The following EXOC4 variants were observed in gnomAD, a reference collection of about 807,000 sequenced individuals.
The protein encoded by EXOC4 is SEC8-like 1.
A neutral mutation model predicts 107.2 loss-of-function variants in EXOC4; 71 were observed. The ratio of observed to expected loss-of-function variants is 0.66; its 90% CI spans 0.55 to 0.81. The LOEUF (loss-of-function observed/expected upper bound fraction) is 0.81. EXOC4 is among the 30% of genes least tolerant of loss of function. The pLI is 0.00. For missense variants in EXOC4, 1,108 were observed against 1,189.6 expected (o/e 0.93, Z 1.01); for synonymous variants, 456 against 441.2 (o/e 1.03, Z -0.42).
At chr7:134,035,833 T>C (rs1306753808) in intron 17 of EXOC4, among the ~76,000 whole-genome samples, 2 of 152,178 alleles carry the variant, frequency 1.3e-5, no homozygotes, top group African/African-American at 2.4e-5. Context: ...CAGAGACACA[T>C]TGGAAGAAGA....
intron 4 of EXOC4, among the ~76,000 whole-genome samples, chr7:133,306,271 T>G (rs1794752406): frequency 6.6e-6 from 1 of 152,234 alleles, no homozygotes. Context: ...ACATTTATTA[T>G]GGTCCTTTTC....
intron 9 of EXOC4, among the ~76,000 whole-genome samples, chr7:133,525,431 T>A (rs1031757805): frequency 6.6e-6 from 1 of 152,226 alleles, no homozygotes; most frequent in Non-Finnish European, 1.5e-5. Context: ...CAATTGCATA[T>A]GTTTCTTGGC....
intron 5 of EXOC4, among the ~76,000 whole-genome samples, chr7:133,345,690 C>G (rs896569200): frequency 1.2e-4 from 18 of 152,098 alleles, no homozygotes; most frequent in African/African-American, 3.9e-4. Context: ...GCAGACCTAC[C>G]ATCATTTCCC....
At chr7:133,705,797 A>G (rs1168823076) in intron 10 of EXOC4, among the ~76,000 whole-genome samples, 1 of 152,236 alleles carries the variant, frequency 6.6e-6, no homozygotes, top group Non-Finnish European at 1.5e-5. Context: ...CCTGGATGAG[A>G]CAGAGTGGGA....
intron 9 of EXOC4, among the ~76,000 whole-genome samples, chr7:133,518,005 A>G (rs1392481392): frequency 1.3e-5 from 2 of 151,810 alleles, no homozygotes; most frequent in Non-Finnish European, 2.9e-5. Context: ...TTAGGGTTGG[A>G]TGATCTAGGA....
chr7:134,071,690 T>C, the EXOC4 span, among the ~76,000 whole-genome samples: 2 of 152,186 alleles, frequency 1.3e-5, no homozygotes, highest in African/African-American at 4.8e-5. Context: ...TGCTTTAAAG[T>C]TAAGCTATAC....
intron 2 of EXOC4, among the ~76,000 whole-genome samples, chr7:133,278,114 A>G (rs1465010068): frequency 2.6e-5 from 4 of 152,182 alleles, no homozygotes; most frequent in Non-Finnish European, 4.4e-5. Flanking sequence ...TTTAGGTGCT[A>G]GGGCTGCACA....
chr7:133,994,573 T>C (rs895181090), intron 14 of EXOC4, among the ~76,000 whole-genome samples: 7 of 152,174 alleles, frequency 4.6e-5, no homozygotes, highest in African/African-American at 1.7e-4. Context: ...GGAACAGACA[T>C]ACTAGGAATG....
At chr7:133,302,103 G>A (rs1794653967) in intron 3 of EXOC4, among the ~76,000 whole-genome samples, 1 of 152,038 alleles carries the variant, frequency 6.6e-6, no homozygotes, top group Admixed American at 6.6e-5. Context: ...TTGAATTCTT[G>A]ATTATATACA....
intron 9 of EXOC4, among the ~76,000 whole-genome samples, chr7:133,536,860 C>A (rs1800279882): frequency 6.6e-6 from 1 of 151,968 alleles, no homozygotes; most frequent in Non-Finnish European, 1.5e-5. Flanking sequence ...ATGGGGCAGG[C>A]AGCAGGAAGT....
chr7:133,635,127 CA>C (rs1187871077), intron 10 of EXOC4, among the ~76,000 whole-genome samples: 1 of 151,952 alleles, frequency 6.6e-6, no homozygotes, highest in African/African-American at 2.4e-5. Context: ...GGTTTCTTTC[CA>C]AAAATAATTA....
chr7:133,983,975 C>G (rs909987073), intron 14 of EXOC4, among the ~76,000 whole-genome samples: 4 of 152,038 alleles, frequency 2.6e-5, no homozygotes, highest in Admixed American at 6.6e-5. Flanking sequence ...TTTTACCAAG[C>G]CTTAGGGAGG....
chr7:133,556,637 GC>G (rs1189756245), intron 9 of EXOC4, among the ~76,000 whole-genome samples: 4 of 146,458 alleles, frequency 2.7e-5, no homozygotes, highest in Admixed American at 6.8e-5. Flanking sequence ...CTGCTTAGTT[GC>G]TAGAGACCTA....
chr7:133,863,878 A>G (rs151165716), intron 11 of EXOC4, among the ~76,000 whole-genome samples: 4 of 152,298 alleles, frequency 2.6e-5, no homozygotes, highest in Non-Finnish European at 5.9e-5. Context: ...AGCTTTGAGC[A>G]AACAGATTTC....
At chr7:133,729,176 T>C (rs1239857578) in intron 10 of EXOC4, among the ~76,000 whole-genome samples, 1 of 152,164 alleles carries the variant, frequency 6.6e-6, no homozygotes, top group Non-Finnish European at 1.5e-5. Flanking sequence ...CAAGAAGACC[T>C]AAAAAGAACA....
At chr7:133,789,977 A>T (rs1351257505) in intron 10 of EXOC4, among the ~76,000 whole-genome samples, 1 of 152,204 alleles carries the variant, frequency 6.6e-6, no homozygotes, top group Non-Finnish European at 1.5e-5. Context: ...CCTGTTGACC[A>T]CATAATTAGA....
chr7:134,081,946 A>G, the EXOC4 span, among the ~76,000 whole-genome samples: 4 of 152,034 alleles, frequency 2.6e-5, no homozygotes, highest in African/African-American at 7.3e-5. Context: ...TTTGTTGTGA[A>G]CCCTCTTTGT....
chr7:133,884,506 C>T (rs994229322), intron 11 of EXOC4, among the ~76,000 whole-genome samples: 3 of 152,014 alleles, frequency 2.0e-5, no homozygotes, highest in African/African-American at 7.3e-5. Flanking sequence ...AACACACATT[C>T]AGGTGCATCA....
At chr7:133,521,442 G>T (rs968179794) in intron 9 of EXOC4, among the ~76,000 whole-genome samples, 23 of 152,136 alleles carry the variant, frequency 1.5e-4, no homozygotes, top group Non-Finnish European at 2.9e-4. Context: ...TATAAAATTG[G>T]AAAGTATTTA....
Sources: allele counts gnomAD v4.1 joint callset (sites outside exome capture counted in the v4.1 genomes callset), GRCh38; gene constraint gnomAD v4.1.1; transcripts MANE v1.5; gene names NCBI Gene and HGNC (gene_info 2026-07-23, HGNC 2026-07-21).